NOL4: variants seen among roughly 807,000 people sequenced by gnomAD.
NOL4 encodes nucleolar protein 4, also known as cancer/testis antigen 125.
Under a neutral mutation model 75.9 loss-of-function variants are expected in NOL4, and 17 were observed. That is an observed-to-expected ratio of 0.22 (90% CI 0.15 to 0.34). NOL4 has a LOEUF of 0.34. Among genes scored for constraint, NOL4 ranks in the 10% least tolerant of loss-of-function variants. The pLI is 1.00. For synonymous variants in NOL4, 292 were observed against 289.9 expected, an observed-to-expected ratio of 1.01 and a Z score of -0.07; for missense variants, 614 against 793.5, an observed-to-expected ratio of 0.77 and a Z score of 2.72.
chr18:34,074,580 T>C (rs2077666412), intron 5 of NOL4, among the ~76,000 whole-genome samples: 1 of 151,954 alleles, frequency 6.6e-6, no homozygotes, highest in African/African-American at 2.4e-5. Context: ...AATGCAAGCA[T>C]AAAGAATAAT....
At chr18:34,141,362 G>A (rs1415243805) in intron 1 of NOL4, among the ~76,000 whole-genome samples, 7 of 151,974 alleles carry the variant, frequency 4.6e-5, no homozygotes, top group Non-Finnish European at 7.4e-5. Flanking sequence ...CCAAAAAAGA[G>A]CCCGCATCAC....
intron 9 of NOL4, among the ~76,000 whole-genome samples, chr18:33,926,224 G>A (rs1356055666): frequency 6.6e-6 from 1 of 151,832 alleles, no homozygotes; most frequent in African/African-American, 2.4e-5. Context: ...GCTGGGTGCG[G>A]TGACACGCAC....
intron 6 of NOL4, among the ~76,000 whole-genome samples, chr18:33,990,429 T>C (rs910457358): frequency 6.6e-6 from 1 of 152,032 alleles, no homozygotes; most frequent in Non-Finnish European, 1.5e-5. Flanking sequence ...TTAATTTTTG[T>C]AGAACAGAAC....
intron 1 of NOL4, among the ~76,000 whole-genome samples, chr18:34,219,527 C>T (rs956531550): frequency 2.6e-5 from 4 of 152,188 alleles, no homozygotes; most frequent in African/African-American, 9.7e-5. Flanking sequence ...AAACGTTAAT[C>T]AGGATCAAAA....
intron 6 of NOL4, among the ~76,000 whole-genome samples, chr18:33,992,696 T>C (rs1052686233): frequency 6.6e-6 from 1 of 151,998 alleles, no homozygotes; most frequent in African/African-American, 2.4e-5. Context: ...CAGCTCCTTA[T>C]TGCTAAAGCC....
At chr18:33,879,965 A>C (rs1024280802) in intron 10 of NOL4, among the ~76,000 whole-genome samples, 1 of 152,018 alleles carries the variant, frequency 6.6e-6, no homozygotes, top group Non-Finnish European at 1.5e-5. Flanking sequence ...AACTTTTTGC[A>C]TTGAGCTAGT....
intron 8 of NOL4, among the ~76,000 whole-genome samples, chr18:33,950,575 G>C (rs1001754408): frequency 6.6e-6 from 1 of 152,108 alleles, no homozygotes; most frequent in Non-Finnish European, 1.5e-5. Flanking sequence ...GTGATACAGA[G>C]ATGAACAAGT....
intron 5 of NOL4, among the ~76,000 whole-genome samples, chr18:34,052,282 G>C (rs1019267958): frequency 3.2e-4 from 48 of 150,958 alleles, no homozygotes; most frequent in Middle Eastern, 3.2e-3. Flanking sequence ...AGTAATACAT[G>C]GTTGATCTAT....
chr18:33,899,584 T>C (rs2065626970), intron 9 of NOL4, among the ~76,000 whole-genome samples: 1 of 152,164 alleles, frequency 6.6e-6, no homozygotes, highest in Admixed American at 6.5e-5. Flanking sequence ...CCCCTGCTAG[T>C]TCCCTTGGCA....
chr18:33,920,992 C>G (rs2145268976), intron 9 of NOL4, among the ~76,000 whole-genome samples: 1 of 152,306 alleles, frequency 6.6e-6, no homozygotes, highest in Middle Eastern at 3.4e-3. Flanking sequence ...CATGGGGCTA[C>G]AGATGATTAT....
chr18:34,042,521 A>G (rs1367892965), intron 5 of NOL4, among the ~76,000 whole-genome samples: 4 of 152,026 alleles, frequency 2.6e-5, no homozygotes, highest in Admixed American at 1.3e-4. Flanking sequence ...GAGAGGTAGC[A>G]TGTATATTAA....
chr18:34,206,675 G>A (rs12604573), intron 1 of NOL4, among the ~76,000 whole-genome samples: 73,154 of 151,808 alleles, frequency 0.48, 18,500 homozygotes, highest in South Asian at 0.58. Flanking sequence ...TCTTTCATTA[G>A]TTTCAATTAT....
intron 5 of NOL4, among the ~76,000 whole-genome samples, chr18:34,037,980 T>C (rs898233922): frequency 6.6e-6 from 1 of 152,026 alleles, no homozygotes; most frequent in African/African-American, 2.4e-5. Context: ...AGAGAATATG[T>C]GCAAACTGTT....
chr18:34,118,400 A>C (rs2079965154), intron 2 of NOL4, among the ~76,000 whole-genome samples: 1 of 152,166 alleles, frequency 6.6e-6, no homozygotes, highest in Admixed American at 6.5e-5. Flanking sequence ...TCTGCAATAT[A>C]TGTAACTAAA....
At chr18:33,980,551 T>C (rs899567323) in intron 6 of NOL4, among the ~76,000 whole-genome samples, 1 of 151,498 alleles carries the variant, frequency 6.6e-6, no homozygotes, top group Non-Finnish European at 1.5e-5. Flanking sequence ...AGGAAGAAAA[T>C]TACCCAACTC....
At chr18:34,128,783 G>T (rs979647931) in intron 2 of NOL4, 2 of 602,816 alleles carry the variant, frequency 3.3e-6, no homozygotes, top group South Asian at 7.4e-5. Flanking sequence ...TGGAAATATA[G>T]CAAAAAATAG....
At chr18:34,038,281 A>G (rs1443386358) in intron 5 of NOL4, among the ~76,000 whole-genome samples, 1 of 152,076 alleles carries the variant, frequency 6.6e-6, no homozygotes, top group African/African-American at 2.4e-5. Flanking sequence ...ACACTTACAT[A>G]TTGTTGGTGG....
At chr18:33,942,037 T>C (rs2068525455) in intron 9 of NOL4, among the ~76,000 whole-genome samples, 1 of 151,970 alleles carries the variant, frequency 6.6e-6, no homozygotes, top group African/African-American at 2.4e-5. Flanking sequence ...TTAGAATTAT[T>C]AGCACATGAC....
chr18:34,039,177 C>G (rs1246060966), intron 5 of NOL4, among the ~76,000 whole-genome samples: 1 of 151,816 alleles, frequency 6.6e-6, no homozygotes, highest in East Asian at 1.9e-4. Flanking sequence ...TATTGTCACA[C>G]AATAACAAAG....
Sources: allele counts gnomAD v4.1 joint callset (sites outside exome capture counted in the v4.1 genomes callset), GRCh38; gene constraint gnomAD v4.1.1; transcripts MANE v1.5; gene names NCBI Gene and HGNC (gene_info 2026-07-23, HGNC 2026-07-21).